RSPH3: variants seen among roughly 807,000 people sequenced by gnomAD.
RSPH3 encodes the protein radial spoke head protein 3 homolog.
RSPH3 carries 21 observed loss-of-function variants against 43.8 expected under a neutral mutation model. The observed-to-expected ratio is 0.48, with a 90% CI of 0.34 to 0.69. RSPH3 has a LOEUF of 0.69. Among genes scored for constraint, RSPH3 ranks in the 30% least tolerant of loss-of-function variants. The pLI is 0.01. For synonymous variants in RSPH3, 173 were observed against 179.8 expected, an observed-to-expected ratio of 0.96 and a Z score of 0.30; for missense variants, 487 against 516.0, an observed-to-expected ratio of 0.94 and a Z score of 0.54.
chr6:158,977,652 TG>T lies in RSPH3; in HGVS notation c.1142del (p.Thr381LysfsTer20). ...CCTGGGATGACCTTCTGTCATATGT[TG>T]TTCTTTGTAGGTAGCCTCCATCTAA... ...LLLDGGYLQR[T>X]TYDRRSSQER... On this transcript the variant is annotated frameshift_variant, in exon 8 of 8. Coordinates refer to ENST00000367069, the MANE Select transcript of RSPH3 (RefSeq NM_031924.8). LOFTEE classifies it low-confidence loss of function (END_TRUNC). 1 of 1,614,154 alleles carries T rather than the reference TG, an allele frequency of 6.2e-7. No homozygotes were observed. Among genetic ancestry groups the T allele is most frequent in the Non-Finnish European group, 8.5e-7 (1 of 1,180,016 alleles).
rs953217118 is a variant in RSPH3 at position 158,989,150 on chromosome 6, G to A, written c.205-2729C>T. The stretch of plus-strand genomic sequence containing the variant: ...CAACCTCTGCCTCCTGGGTTCAAGC[G>A]ATTCTCCTGACTCAGCCTCTCAAGT... On this transcript the variant is annotated intron_variant, in intron 2 of 7. Transcript: ENST00000367069. This position sits in a 1 kb window ranked among gnomAD's most constrained non-coding sequence, Gnocchi z 4.3. 2.0e-5 allele frequency among the ~76,000 whole-genome samples: 3 copies of A among 151,894 alleles called. No individual in the cohort carries two copies. The highest frequency in any genetic ancestry group is 1.9e-4 in the East Asian group (1 of 5,164).
At chr6:158,998,550 A>T (rs1395797795) in intron 1 of RSPH3, among the ~76,000 whole-genome samples, 1 of 149,958 alleles carries the variant, frequency 6.7e-6, no homozygotes, top group Non-Finnish European at 1.5e-5. Context: ...GCAACTGTTC[A>T]TGGATGTAAA....
intron 2 of RSPH3, among the ~76,000 whole-genome samples, chr6:158,993,072 G>A (rs1778472431): frequency 6.6e-6 from 1 of 151,972 alleles, no homozygotes; most frequent in East Asian, 1.9e-4. Flanking sequence ...GAGAGTAAAG[G>A]TTTAGAAATG....
chr6:158,964,771 A>G, the RSPH3 span, among the ~76,000 whole-genome samples: 1,950 of 152,206 alleles, frequency 0.013, 44 homozygotes, highest in African/African-American at 0.045. Context: ...TGAGTTATCT[A>G]TTCACTTTCT....
At position 158,973,670 on chromosome 6, in the gene RSPH3, A is replaced by G. The variant is rs1053453779; in HGVS notation, c.*3868T>C. ...TGGTCTGGCTTTGAATCTGCTTTCA[A>G]ACTCCACCTTGTGTTGCTCAGAGTG... On this transcript the variant is annotated 3_prime_UTR_variant, in exon 8 of 8. Coordinates refer to ENST00000367069, the MANE Select transcript of RSPH3 (RefSeq NM_031924.8). 2 of 152,184 alleles carry G rather than the reference A, an allele frequency of 1.3e-5. No homozygotes were observed. The highest frequency in any genetic ancestry group is 4.8e-5 in the African/African-American group (2 of 41,438). The allele number at this position is 152,184 out of a possible 1,614,324, so 9.4% of individuals were successfully genotyped here.
At chr6:158,987,789 G>A (rs551412340) in intron 2 of RSPH3, among the ~76,000 whole-genome samples, 4 of 152,282 alleles carry the variant, frequency 2.6e-5, no homozygotes, top group South Asian at 2.1e-4. Flanking sequence ...ACTTTTAGCT[G>A]TCTCATTGCA....
Position 158,993,865 on chromosome 6 carries a change from T to C in RSPH3, c.178A>G (p.Thr60Ala). 1 of 1,609,982 alleles carries C rather than the reference T, an allele frequency of 6.2e-7. No homozygotes were observed. The highest frequency in any genetic ancestry group is 8.5e-7 in the Non-Finnish European group (1 of 1,176,404). ...MYDRRVIRGN[T>A]YALQTGPLLG... is the part of the protein sequence containing the mutation. ...AGTGGCCCTGTCTGGAGTGCATAAG[T>C]GTTACCTCGAATTACCCTTCTGTCA... Residue 60 changes from threonine (T) to alanine (A), a missense_variant, in exon 2 of 8, where the codon ACT becomes GCT. By Grantham distance (58) the Thr-to-Ala change is moderately conservative. Transcript: ENST00000367069.
chr6:158,997,605 G>A (rs1428397778), intron 1 of RSPH3, among the ~76,000 whole-genome samples: 2 of 151,964 alleles, frequency 1.3e-5, no homozygotes, highest in Non-Finnish European at 2.9e-5. Flanking sequence ...TTTCTGTCTT[G>A]TGCATTACTC....
chr6:158,970,907 T>A (rs1163656332), downstream of RSPH3, among the ~76,000 whole-genome samples: 1 of 152,168 alleles, frequency 6.6e-6, no homozygotes, highest in Non-Finnish European at 1.5e-5. Flanking sequence ...ACTTTCAATT[T>A]TTTTTTGCCA....
the RSPH3 span, among the ~76,000 whole-genome samples, chr6:158,963,366 T>A: frequency 7.3e-6 from 1 of 137,770 alleles, no homozygotes; most frequent in Non-Finnish European, 1.6e-5. Context: ...TTCTTTCAGA[T>A]AGGGTTTCAC....
chr6:158,973,038 A>T lies in RSPH3; in HGVS notation c.*4500T>A, dbSNP rs540657657. ...CTCTTTTTTGGGTCTCTGACTGTGA[A>T]CAAGATTGTGGAAGGTTGGTTGAGG... is the stretch of plus-strand genomic sequence containing the variant. On this transcript the variant is annotated 3_prime_UTR_variant, in exon 8 of 8. Transcript: ENST00000367069. 1 of 152,358 alleles carries T rather than the reference A, an allele frequency of 6.6e-6. No homozygotes were observed. Among genetic ancestry groups the T allele is most frequent in the East Asian group, 1.9e-4 (1 of 5,188 alleles). 9.4% of individuals were successfully genotyped at this position (152,358 alleles called of 1,614,324 possible).
intron 6 of RSPH3, among the ~76,000 whole-genome samples, chr6:158,978,774 C>A (rs772380266): frequency 6.6e-6 from 1 of 152,082 alleles, no homozygotes; most frequent in African/African-American, 2.4e-5. Context: ...CTCCTGACAT[C>A]GTGATTCACC....
rs746343834 is a variant in RSPH3 at position 158,993,851 on chromosome 6, C to G, written c.192G>C (p.Gln64His). Residue 64 changes from glutamine to histidine, a missense_variant, in exon 2 of 8, where the codon CAG (glutamine) becomes CAC (histidine). Gln to His is a conservative substitution (Grantham distance 24). Transcript: ENST00000367069. ...AAACTGAACTTACCAGTGGCCCTGTCTGGAGTGCATAAGTGTTACCTCGAA... is the reference window on the plus strand; with the variant it reads ...AAACTGAACTTACCAGTGGCCCTGTGTGGAGTGCATAAGTGTTACCTCGAA... ...RVIRGNTYAL[Q>H]TGPLLGRPDS... The G allele has an allele frequency of 1.9e-6, 3 of 1,599,852 alleles. No individual in the cohort carries two copies. The highest frequency in any genetic ancestry group is 4.5e-5 in the East Asian group (2 of 44,700).
intron 1 of RSPH3, among the ~76,000 whole-genome samples, chr6:158,998,630 C>A (rs1442714157): frequency 6.6e-6 from 1 of 151,322 alleles, no homozygotes; most frequent in Admixed American, 6.6e-5. Flanking sequence ...CCGAGGCGGG[C>A]GGATCACTTG....
chr6:158,977,804 G>T lies in RSPH3; in HGVS notation c.991C>A (p.His331Asn). The change falls in exon 8 of 8, where the codon CAT (histidine) becomes AAT (asparagine). Residue 331 changes from histidine (H) to asparagine (N), a missense_variant. Transcript: ENST00000367069. ...VVEKRLCMYEHGEDTHQSPEP... is the reference protein window; with the variant it reads ...VVEKRLCMYENGEDTHQSPEP... ...GGAGACTGATGTGTGTCTTCCCCAT[G>T]CTCATACATACACAGCCTCTTTTCA... The T allele has an allele frequency of 1.2e-6, 2 of 1,614,100 alleles. No homozygotes were observed. Among genetic ancestry groups the T allele is most frequent in the Non-Finnish European group, 8.5e-7 (1 of 1,180,004 alleles).
chr6:158,973,306 G>A lies in RSPH3; in HGVS notation c.*4232C>T, dbSNP rs926516521. On this transcript the variant is annotated 3_prime_UTR_variant, in exon 8 of 8. Transcript: ENST00000367069. ...TAAAGCATAGAAAAAAAATCTAGCT[G>A]ATATAGTTGTTATGTTTCAACAACA... 6.6e-6 allele frequency: 1 copy of A among 152,092 alleles called. No homozygotes were observed. The highest frequency in any genetic ancestry group is 6.5e-5 in the Admixed American group (1 of 15,272). 9.4% of individuals were successfully genotyped at this position (152,092 alleles called of 1,614,324 possible). A position where few individuals can be genotyped will look rare whatever the true frequency, so the allele number is the denominator to read the frequency against.
chr6:158,979,092 C>A (rs1562558691), intron 6 of RSPH3, among the ~76,000 whole-genome samples: 1 of 152,172 alleles, frequency 6.6e-6, no homozygotes, highest in Non-Finnish European at 1.5e-5. Flanking sequence ...AGGCAGTCAT[C>A]TAGAAATAGG....
chr6:158,993,400 G>A (rs1778484215), intron 2 of RSPH3, among the ~76,000 whole-genome samples: 1 of 150,172 alleles, frequency 6.7e-6, no homozygotes, highest in African/African-American at 2.4e-5. Context: ...ACAGGCGTGA[G>A]CCACCGCGCC....
At chr6:158,983,611 T>G in intron 4 of RSPH3, 51 bp downstream of exon 4, 1 of 1,418,338 alleles carries the variant, frequency 7.1e-7, no homozygotes, top group South Asian at 1.1e-5. Flanking sequence ...TACACCTAAC[T>G]TTACCTCATT....
Sources: gnomAD v4.1 joint callset for allele counts (sites outside exome capture counted in the v4.1 genomes callset) on GRCh38, gnomAD v4.1.1 for gene constraint, Gnocchi (gnomAD v3.1) non-coding constraint, MANE v1.5 for transcripts, NCBI Gene and HGNC (gene_info 2026-07-23, HGNC 2026-07-21) for gene names.